The following FHIT variants were observed in gnomAD, a reference collection of about 807,000 sequenced individuals.
FHIT encodes the protein fragile histidine triad diadenosine triphosphatase.
In FHIT, 19 loss-of-function variants were observed where a neutral mutation model predicts 17.9. The observed-to-expected ratio is 1.06, with a 90% CI of 0.74 to 1.56. FHIT has a LOEUF of 1.56. FHIT is among the 40% of genes most tolerant of loss of function. The probability of loss-of-function intolerance (pLI) is 0.00; values close to 1 mark genes in which losing one functional copy is unlikely to be tolerated. For synonymous variants in FHIT, 81 were observed against 69.7 expected, an observed-to-expected ratio of 1.16 and a Z score of -0.81; for missense variants, 248 against 189.2, an observed-to-expected ratio of 1.31 and a Z score of -1.82.
chr3:59,954,295 G>C (rs1298689475), intron 7 of FHIT, among the ~76,000 whole-genome samples: 3 of 146,178 alleles, frequency 2.1e-5, no homozygotes, highest in African/African-American at 7.6e-5. Flanking sequence ...ATTCAGGCTT[G>C]GGTCTGAAGA....
At chr3:60,570,453 A>G (rs1439453146) in intron 4 of FHIT, among the ~76,000 whole-genome samples, 1 of 152,074 alleles carries the variant, frequency 6.6e-6, no homozygotes, top group East Asian at 1.9e-4. Context: ...TAGGAAAGGG[A>G]TCAGGAGGAG....
chr3:59,840,654 A>G (rs1277056811), intron 8 of FHIT, among the ~76,000 whole-genome samples: 2 of 152,184 alleles, frequency 1.3e-5, no homozygotes, highest in African/African-American at 4.8e-5. Context: ...CTCAAAATGC[A>G]GACACCTATG....
chr3:60,211,382 T>A (rs188873537), intron 5 of FHIT, among the ~76,000 whole-genome samples: 2 of 152,080 alleles, frequency 1.3e-5, no homozygotes, highest in Admixed American at 1.3e-4. Context: ...AAGGGAGATA[T>A]AGAAGTTATA....
At chr3:59,867,236 C>T (rs989440133) in intron 8 of FHIT, among the ~76,000 whole-genome samples, 2 of 105,050 alleles carry the variant, frequency 1.9e-5, no homozygotes, top group African/African-American at 9.0e-5. Context: ...CACCGACATT[C>T]TCTTTGTTAT....
At chr3:59,938,850 G>A (rs1706369557) in intron 7 of FHIT, among the ~76,000 whole-genome samples, 1 of 152,094 alleles carries the variant, frequency 6.6e-6, no homozygotes, top group Admixed American at 6.6e-5. Context: ...GCTTAAGACA[G>A]GATAAATGAC....
intron 4 of FHIT, among the ~76,000 whole-genome samples, chr3:60,618,245 T>A (rs1411169442): frequency 1.3e-5 from 2 of 152,180 alleles, no homozygotes; most frequent in African/African-American, 4.8e-5. Context: ...AACTCATGGT[T>A]GATATGCTCA....
Position 60,072,576 on chromosome 3 carries a change from C to A in FHIT, c.104-58424G>T, listed in dbSNP as rs150813057. ...AACTTAGTCTTTCCAATTAAGTCTT[C>A]AAGGTAGCCACCGTTATTGTTCCCA... is the stretch of plus-strand genomic sequence containing the variant. On this transcript the variant is annotated intron_variant, in intron 5 of 9. Transcript: ENST00000492590. 4.3e-3 allele frequency among the ~76,000 whole-genome samples: 661 copies of A among 152,286 alleles called. 5 individuals are homozygous for A. Among genetic ancestry groups the A allele is most frequent in the Middle Eastern group, 0.014 (4 of 294 alleles).
intron 7 of FHIT, among the ~76,000 whole-genome samples, chr3:59,951,381 G>A (rs1321165097): frequency 6.6e-6 from 1 of 152,194 alleles, no homozygotes; most frequent in Non-Finnish European, 1.5e-5. Context: ...CATCTGAGTT[G>A]ACAACTTTCA....
rs531731811 is a variant in FHIT at position 60,655,641 on chromosome 3, G to A, written c.-17-118662C>T. Among the ~76,000 whole-genome samples the A allele has an allele frequency of 3.3e-5, 5 of 152,222 alleles. No individual in the cohort carries two copies. The South Asian group carries it at 1.0e-3, about 32-fold the overall frequency. On this transcript the variant is annotated intron_variant, in intron 4 of 9. Transcript: ENST00000492590. ...CAAATCAAAGATTATCCAGTATCAAGAGGAACAGTTTTATTTATTCTGTAT... is the reference window on the plus strand; with the variant it reads ...CAAATCAAAGATTATCCAGTATCAAAAGGAACAGTTTTATTTATTCTGTAT...
At chr3:60,216,820 A>G (rs1385229336) in intron 5 of FHIT, among the ~76,000 whole-genome samples, 6 of 151,538 alleles carry the variant, frequency 4.0e-5, no homozygotes, top group Non-Finnish European at 8.8e-5. Flanking sequence ...CTGTCATCTC[A>G]CTCCCCTGAT....
intron 1 of FHIT, among the ~76,000 whole-genome samples, chr3:61,208,802 T>C (rs548520397): frequency 2.0e-4 from 31 of 152,182 alleles, no homozygotes; most frequent in African/African-American, 7.2e-4. Flanking sequence ...AATTGGAGCA[T>C]TTAGTCCATT....
At chr3:60,082,664 T>C (rs991608238) in intron 5 of FHIT, among the ~76,000 whole-genome samples, 1 of 152,050 alleles carries the variant, frequency 6.6e-6, no homozygotes, top group African/African-American at 2.4e-5. Flanking sequence ...TATTAATAAC[T>C]ATTCTGAATG....
chr3:60,294,422 A>G lies in FHIT; in HGVS notation c.103+242438T>C, dbSNP rs534229848. Among the ~76,000 whole-genome samples, 3 of 152,304 alleles carry G rather than the reference A, an allele frequency of 2.0e-5. No homozygotes were observed. In the South Asian group the frequency reaches 6.2e-4, roughly 32 times the overall value. On this transcript the variant is annotated intron_variant, in intron 5 of 9. Coordinates refer to ENST00000492590, the MANE Select transcript of FHIT (RefSeq NM_002012.4). ...CCAGGAAATATGAAGAACGTGACCA[A>G]GGTCACAAGTTAGCTGGCAGCAGAA...
intron 4 of FHIT, among the ~76,000 whole-genome samples, chr3:60,784,333 C>T (rs1700491853): frequency 7.0e-6 from 1 of 143,310 alleles, no homozygotes; most frequent in Admixed American, 7.0e-5. Flanking sequence ...TTTTTCCTTC[C>T]AGGTTCTTTT....
Position 60,609,299 on chromosome 3 carries a change from C to A in FHIT, c.-17-72320G>T, listed in dbSNP as rs113673050. Among the ~76,000 whole-genome samples, 773 of 151,706 alleles carry A rather than the reference C, an allele frequency of 5.1e-3. 2 individuals are homozygous for A. The highest frequency in any genetic ancestry group is 0.017 in the African/African-American group (717 of 41,374). ...GTCTAAGGCTGCCTATTCCCTTCTG[C>A]ACAGAGTTCAGCCTTTTGCTTCCTT... is the stretch of plus-strand genomic sequence containing the variant. On this transcript the variant is annotated intron_variant, in intron 4 of 9. Coordinates refer to ENST00000492590, the MANE Select transcript of FHIT (RefSeq NM_002012.4).
intron 5 of FHIT, among the ~76,000 whole-genome samples, chr3:60,308,829 T>G (rs6778121): frequency 0.075 from 11,435 of 152,154 alleles, 584 homozygotes; most frequent in Admixed American, 0.1. Flanking sequence ...ATGTGAGGAA[T>G]GGTTGTTTCT....
intron 7 of FHIT, among the ~76,000 whole-genome samples, chr3:59,955,606 C>G: frequency 6.6e-6 from 1 of 152,158 alleles, no homozygotes; most frequent in East Asian, 1.9e-4. Context: ...AGAAGAGTCT[C>G]AACCCAATAT....
At chr3:61,041,389 A>T (rs2033506861) in intron 3 of FHIT, among the ~76,000 whole-genome samples, 1 of 151,450 alleles carries the variant, frequency 6.6e-6, no homozygotes, top group African/African-American at 2.4e-5. Context: ...AAAAAAAAAA[A>T]TTTACAAGAC....
intron 5 of FHIT, among the ~76,000 whole-genome samples, chr3:60,324,878 A>G (rs1709613862): frequency 6.6e-6 from 1 of 151,852 alleles, no homozygotes; most frequent in African/African-American, 2.4e-5. Flanking sequence ...AGTACCTTCA[A>G]CAGATTCAAA....
Sources: allele counts gnomAD v4.1 joint callset (sites outside exome capture counted in the v4.1 genomes callset), GRCh38; gene constraint gnomAD v4.1.1; transcripts MANE v1.5; gene names NCBI Gene and HGNC (gene_info 2026-07-23, HGNC 2026-07-21).